The following ANO2 variants were observed in gnomAD, a reference collection of about 807,000 sequenced individuals.
The protein encoded by ANO2 is anoctamin 2, also known as anoctamin-2.
ANO2 carries 101 observed loss-of-function variants against 124.2 expected under a neutral mutation model. The observed-to-expected ratio is 0.81, with a 90% CI of 0.69 to 0.96. The LOEUF (loss-of-function observed/expected upper bound fraction) is 0.96. ANO2 is among the 40% of genes least tolerant of loss of function. The pLI, the probability that ANO2 is intolerant of heterozygous loss-of-function variation, is 0.00. For synonymous variants in ANO2, 486 were observed against 482.5 expected (o/e 1.01, Z -0.09); for missense variants, 1,293 against 1,274.5 (o/e 1.01, Z -0.22).
intron 16 of ANO2, among the ~76,000 whole-genome samples, chr12:5,617,335 C>T (rs561812278): frequency 9.2e-5 from 14 of 152,068 alleles, no homozygotes; most frequent in Non-Finnish European, 1.8e-4. Flanking sequence ...CTCAAGCTCA[C>T]ACCGTACCAC....
chr12:5,652,781 T>C (rs1946973345), intron 14 of ANO2, among the ~76,000 whole-genome samples: 1 of 152,196 alleles, frequency 6.6e-6, no homozygotes, highest in Non-Finnish European at 1.5e-5. Flanking sequence ...CAGGCTAGAA[T>C]ATGACTGATC....
intron 3 of ANO2, among the ~76,000 whole-genome samples, chr12:5,892,524 G>T (rs1939485834): frequency 6.6e-6 from 1 of 152,128 alleles, no homozygotes; most frequent in Admixed American, 6.5e-5. Flanking sequence ...AAAAAGTTTT[G>T]AAAGCAGCCA....
At chr12:5,729,634 T>C (rs1185543722) in intron 14 of ANO2, among the ~76,000 whole-genome samples, 1 of 151,954 alleles carries the variant, frequency 6.6e-6, no homozygotes, top group Admixed American at 6.6e-5. Flanking sequence ...AGTTACCATA[T>C]GACCCAGCAA....
chr12:5,892,648 G>T (rs1038061099), intron 3 of ANO2, among the ~76,000 whole-genome samples: 3 of 152,136 alleles, frequency 2.0e-5, no homozygotes, highest in Admixed American at 1.3e-4. Flanking sequence ...AATGCTTAAA[G>T]AAAAGAATTG....
At chr12:5,720,796 C>T (rs1360106046) in intron 14 of ANO2, among the ~76,000 whole-genome samples, 2 of 152,196 alleles carry the variant, frequency 1.3e-5, no homozygotes, top group African/African-American at 4.8e-5. Flanking sequence ...TTCCATAACC[C>T]AGGCCTCAGG....
chr12:5,903,286 G>T (rs1048477689), intron 3 of ANO2, among the ~76,000 whole-genome samples: 3 of 152,102 alleles, frequency 2.0e-5, no homozygotes, highest in Non-Finnish European at 2.9e-5. Flanking sequence ...CTGATATTAA[G>T]AAACTCTAAG....
chr12:5,906,137 G>A (rs892826972), intron 3 of ANO2, among the ~76,000 whole-genome samples: 23 of 152,102 alleles, frequency 1.5e-4, no homozygotes, highest in African/African-American at 5.3e-4. Flanking sequence ...CTGACACACA[G>A]AGATCCCAGG....
intron 15 of ANO2, among the ~76,000 whole-genome samples, chr12:5,638,520 C>A (rs187461778): frequency 1.4e-5 from 2 of 145,872 alleles, no homozygotes. Flanking sequence ...CAGGCGTGAG[C>A]CACCATGGCC....
chr12:5,899,956 C>T (rs1459328392), intron 3 of ANO2, among the ~76,000 whole-genome samples: 7 of 152,156 alleles, frequency 4.6e-5, no homozygotes, highest in Non-Finnish European at 1.5e-5. Flanking sequence ...TTTATTTCCC[C>T]AGATGAATTT....
chr12:5,754,132 G>A (rs1170863193), intron 10 of ANO2, among the ~76,000 whole-genome samples: 3 of 151,932 alleles, frequency 2.0e-5, no homozygotes, highest in African/African-American at 7.3e-5. Flanking sequence ...TTAATTTGTT[G>A]AGAATTTTAA....
chr12:5,686,651 C>T (rs1197770116), intron 14 of ANO2, among the ~76,000 whole-genome samples: 2 of 152,174 alleles, frequency 1.3e-5, no homozygotes. Context: ...GGCCACCATC[C>T]CCTCCATGGG....
intron 14 of ANO2, among the ~76,000 whole-genome samples, chr12:5,653,332 G>A (rs1947003822): frequency 6.6e-6 from 1 of 152,190 alleles, no homozygotes; most frequent in Non-Finnish European, 1.5e-5. Flanking sequence ...CTATGTTCTG[G>A]CAAATATTTT....
intron 14 of ANO2, among the ~76,000 whole-genome samples, chr12:5,668,071 T>A (rs1442851331): frequency 6.6e-6 from 1 of 152,240 alleles, no homozygotes; most frequent in Non-Finnish European, 1.5e-5. Flanking sequence ...ATATACTCAG[T>A]AATGTGATTG....
At chr12:5,869,988 C>G (rs1226321729) in intron 3 of ANO2, among the ~76,000 whole-genome samples, 1 of 152,196 alleles carries the variant, frequency 6.6e-6, no homozygotes, top group Non-Finnish European at 1.5e-5. Context: ...GGAGCCCTCC[C>G]CACACCATCA....
At chr12:5,766,576 C>G (rs920248748) in intron 10 of ANO2, among the ~76,000 whole-genome samples, 2 of 152,144 alleles carry the variant, frequency 1.3e-5, no homozygotes, top group African/African-American at 4.8e-5. Context: ...ACTGGAGTTT[C>G]CTGGGGTGCT....
chr12:5,864,074 C>T (rs1336862172), intron 3 of ANO2, among the ~76,000 whole-genome samples: 1 of 152,116 alleles, frequency 6.6e-6, no homozygotes, highest in East Asian at 1.9e-4. Context: ...ACCCATGTTC[C>T]TAGGGCCAAA....
chr12:5,753,926 G>T (rs1356174102), intron 10 of ANO2, among the ~76,000 whole-genome samples: 3 of 152,128 alleles, frequency 2.0e-5, no homozygotes, highest in Admixed American at 2.0e-4. Context: ...CGTTGAATGT[G>T]AGAGGTAAGA....
At chr12:5,815,882 G>C (rs1953591700) in intron 7 of ANO2, among the ~76,000 whole-genome samples, 1 of 152,050 alleles carries the variant, frequency 6.6e-6, no homozygotes, top group Admixed American at 6.6e-5. Context: ...ATAGGTTAAA[G>C]CTTTGTAAAA....
chr12:5,799,573 T>C lies in ANO2; in HGVS notation c.991-2A>G, dbSNP rs1375880676. 6.2e-7 allele frequency: 1 copy of C among 1,613,668 alleles called. No individual in the cohort carries two copies. The highest frequency in any genetic ancestry group is 8.5e-7 in the Non-Finnish European group (1 of 1,179,698). ...GCGCGCCCATTCTTGATATAGCAGC[T>C]AAACAAAGAAAATAAGGAAACAGGT... is the stretch of plus-strand genomic sequence containing the variant. On this transcript the variant is annotated splice_acceptor_variant, in intron 9 of 24. Coordinates refer to ENST00000682330, the MANE Select transcript of ANO2 (RefSeq NM_001364791.2). LOFTEE classifies it high-confidence loss of function.
Sources: allele counts gnomAD v4.1 joint callset (sites outside exome capture counted in the v4.1 genomes callset), GRCh38; gene constraint gnomAD v4.1.1; transcripts MANE v1.5; gene names NCBI Gene and HGNC (gene_info 2026-07-23, HGNC 2026-07-21).